Variants in PCDH15 observed in about 807,000 individuals in gnomAD.
The protein encoded by PCDH15 is protocadherin related 15.
A neutral mutation model predicts 178.5 loss-of-function variants in PCDH15; 129 were observed. The ratio of observed to expected loss-of-function variants is 0.72; its 90% CI spans 0.63 to 0.84. PCDH15 has a LOEUF of 0.84. Among genes scored for constraint, PCDH15 ranks in the 40% least tolerant of loss-of-function variants. The pLI is 0.00. For synonymous variants in PCDH15, 800 were observed against 732.0 expected, an observed-to-expected ratio of 1.09 and a Z score of -1.50; for missense variants, 2,230 against 2,099.9, an observed-to-expected ratio of 1.06 and a Z score of -1.21.
intron 2 of PCDH15, among the ~76,000 whole-genome samples, chr10:54,657,686 C>T (rs2094431795): frequency 1.3e-5 from 2 of 152,202 alleles, no homozygotes; most frequent in Non-Finnish European, 2.9e-5. Context: ...TAACATAAAT[C>T]ACAGTAATCC....
chr10:54,330,721 T>A (rs35455186), intron 6 of PCDH15, among the ~76,000 whole-genome samples: 5,933 of 152,016 alleles, frequency 0.039, 154 homozygotes, highest in Admixed American at 0.089. Flanking sequence ...TCAGTGTAAC[T>A]GTATTCACAC....
At chr10:55,073,289 G>T (rs1326263646) in intron 2 of PCDH15, among the ~76,000 whole-genome samples, 1 of 151,990 alleles carries the variant, frequency 6.6e-6, no homozygotes, top group African/African-American at 2.4e-5. Context: ...TATTCAATTA[G>T]GAAAAGAGGA....
At chr10:53,946,179 T>C (rs2086558351) in intron 23 of PCDH15, among the ~76,000 whole-genome samples, 1 of 152,124 alleles carries the variant, frequency 6.6e-6, no homozygotes, top group African/African-American at 2.4e-5. Context: ...TCATATAACT[T>C]GTGTGTGAAT....
At chr10:55,521,607 T>C (rs1029452672) in intron 2 of PCDH15, among the ~76,000 whole-genome samples, 6 of 151,984 alleles carry the variant, frequency 3.9e-5, no homozygotes, top group Admixed American at 3.3e-4. Flanking sequence ...TGTCCACAGA[T>C]ACTTTGATTG....
intron 3 of PCDH15, among the ~76,000 whole-genome samples, chr10:54,393,870 T>G (rs1410726237): frequency 6.6e-6 from 1 of 152,132 alleles, no homozygotes; most frequent in Non-Finnish European, 1.5e-5. Flanking sequence ...GTCATTTCCA[T>G]TTCTAGGTTG....
rs556148475 is a variant in PCDH15, at chr10:55,257,194, G to C, written c.-156+62405C>G. Among the ~76,000 whole-genome samples the C allele has an allele frequency of 2.8e-3, 428 of 152,252 alleles. 2 individuals carry two copies. The highest frequency in any genetic ancestry group is 0.013 in the South Asian group (61 of 4,830). ...CTGTTAGAAGGAAAACTAACAAACAGAAAGGACATCCACACCAAAACACCA... is the reference window on the plus strand; with the variant it reads ...CTGTTAGAAGGAAAACTAACAAACACAAAGGACATCCACACCAAAACACCA... On this transcript the variant is annotated intron_variant, in intron 1 of 5. Coordinates refer to the PCDH15 transcript ENST00000458638.
chr10:55,193,854 G>C (rs1054904691), intron 1 of PCDH15, among the ~76,000 whole-genome samples: 1 of 151,870 alleles, frequency 6.6e-6, no homozygotes, highest in African/African-American at 2.4e-5. Flanking sequence ...GACATATTGA[G>C]AGTAGTGTTG....
intron 2 of PCDH15, among the ~76,000 whole-genome samples, chr10:55,542,502 T>C (rs969846017): frequency 6.6e-6 from 1 of 150,880 alleles, no homozygotes; most frequent in Non-Finnish European, 1.5e-5. Flanking sequence ...AAATTACATA[T>C]GTACAGTATG....
intron 9 of PCDH15, among the ~76,000 whole-genome samples, chr10:54,236,120 C>A (rs954008243): frequency 2.6e-5 from 4 of 152,072 alleles, no homozygotes; most frequent in African/African-American, 9.7e-5. Flanking sequence ...TCAAAAGAAG[C>A]CCTTTCTCCC....
At chr10:54,549,450 A>T (rs988332321) in intron 2 of PCDH15, among the ~76,000 whole-genome samples, 2 of 152,056 alleles carry the variant, frequency 1.3e-5, no homozygotes, top group Admixed American at 6.6e-5. Context: ...TAATAAATAC[A>T]AATGTATTTA....
At chr10:54,856,959 TG>T (rs1392633019) in intron 3 of PCDH15, among the ~76,000 whole-genome samples, 2 of 151,812 alleles carry the variant, frequency 1.3e-5, no homozygotes, top group Non-Finnish European at 2.9e-5. Flanking sequence ...GTTTTGTTTT[TG>T]TTTTTTTTAC....
chr10:54,020,363 T>A lies in PCDH15; in HGVS notation c.2580A>T (p.Glu860Asp). The change falls in exon 20 of 38, where the codon GAA becomes GAT. Residue 860 changes from glutamate to aspartate, a missense_variant. Physicochemically the swap from Glu to Asp is conservative, Grantham distance 45. Transcript: ENST00000644397. ...ANVSYRIRSP[E>D]VKHFFALHPF... is the part of the protein sequence containing the mutation. ...GATGTAGTGCAAAAAAGTGCTTCAC[T>A]TCTGGGCTTCTTATCCGGTAAGACA... The A allele has an allele frequency of 6.2e-7, 1 of 1,613,858 alleles. No homozygotes were observed. The highest frequency in any genetic ancestry group is 8.5e-7 in the Non-Finnish European group (1 of 1,179,810).
intron 13 of PCDH15, among the ~76,000 whole-genome samples, chr10:54,154,406 ATATT>A (rs1487947729): frequency 6.6e-6 from 1 of 152,162 alleles, no homozygotes; most frequent in Admixed American, 6.5e-5. Flanking sequence ...TTATTTACTT[ATATT>A]TATATTTTCA....
intron 8 of PCDH15, among the ~76,000 whole-genome samples, chr10:54,303,627 T>A (rs2060280623): frequency 1.3e-5 from 2 of 152,080 alleles, no homozygotes; most frequent in African/African-American, 4.8e-5. Context: ...CAAATGTGTG[T>A]TATTAATCAG....
chr10:55,467,948 T>C lies in PCDH15; in HGVS notation c.-156+159677A>G, dbSNP rs1218203771. ...CGCCACTGCACTCCAGCCTGGGCGA[T>C]AGAGCCAGACTCCGTCTCAAAAAAA... On this transcript the variant is annotated intron_variant, in intron 2 of 5. Transcript: ENST00000613346. 1.2e-4 allele frequency among the ~76,000 whole-genome samples: 10 copies of C among 80,754 alleles called. No individual in the cohort carries two copies. The East Asian group carries it at 3.2e-3, about 26-fold the overall frequency. 53.0% of individuals were successfully genotyped at this position (80,754 alleles called of 152,430 possible). A position where few individuals can be genotyped will look rare whatever the true frequency, so the allele number is the denominator to read the frequency against.
chr10:54,792,475 G>A (rs762250868), intron 1 of PCDH15, among the ~76,000 whole-genome samples: 11 of 151,942 alleles, frequency 7.2e-5, no homozygotes, highest in Non-Finnish European at 1.2e-4. Flanking sequence ...TGCCTGTAAA[G>A]GTGTTTCTGA....
chr10:55,525,300 C>T (rs1841279007), intron 2 of PCDH15, among the ~76,000 whole-genome samples: 1 of 151,724 alleles, frequency 6.6e-6, no homozygotes, highest in Admixed American at 6.6e-5. Flanking sequence ...TTTTACAGAA[C>T]ATTTTTTATT....
chr10:55,531,951 T>C (rs1302709396), intron 2 of PCDH15, among the ~76,000 whole-genome samples: 1 of 152,020 alleles, frequency 6.6e-6, no homozygotes, highest in Non-Finnish European at 1.5e-5. Flanking sequence ...GAAAAACTAT[T>C]GGAGACTTTC....
chr10:54,984,197 C>A (rs1470601002), intron 2 of PCDH15, among the ~76,000 whole-genome samples: 1 of 152,140 alleles, frequency 6.6e-6, no homozygotes, highest in Non-Finnish European at 1.5e-5. Flanking sequence ...TCCCTCTGAT[C>A]TTCTCCTGCC....
Sources: allele counts gnomAD v4.1 joint callset (sites outside exome capture counted in the v4.1 genomes callset), GRCh38; gene constraint gnomAD v4.1.1; transcripts MANE v1.5; gene names NCBI Gene and HGNC (gene_info 2026-07-23, HGNC 2026-07-21).